Variants in RABL6 observed in about 807,000 individuals in gnomAD.
RABL6 encodes rab-like protein 6.
In RABL6, 28 loss-of-function variants were observed where a neutral mutation model predicts 72.9. The observed-to-expected ratio is 0.38, with a 90% confidence interval of 0.28 to 0.53. The LOEUF (loss-of-function observed/expected upper bound fraction) is 0.53. RABL6 is among the 20% of genes least tolerant of loss of function. The probability of loss-of-function intolerance (pLI) is 0.80; values close to 1 mark genes in which losing one functional copy is unlikely to be tolerated. For synonymous variants in RABL6, 477 were observed against 421.2 expected (o/e 1.13, Z -1.62); for missense variants, 1,029 against 1,008.4 (o/e 1.02, Z -0.28).
chr9:136,837,863 G>T lies in RABL6; in HGVS notation c.1128G>T (p.Glu376Asp), dbSNP rs1214968477. ...PATEAAPPPP[E>D]PVPAAEGPAT... ...AGGACCCGGCATCACTGTTCACAGAGCCAGTCCCGGCCGCAGAGGGCCCAG... is the reference window on the plus strand; with the variant it reads ...AGGACCCGGCATCACTGTTCACAGATCCAGTCCCGGCCGCAGAGGGCCCAG... Residue 376 changes from glutamate to aspartate, a missense_variant and splice_region_variant, in exon 10 of 15, where the codon GAG becomes GAT. Around this residue, in one of 2 missense-constraint regions of RABL6, gnomAD observed 434 missense variants for 536.1 expected, o/e 0.81. Transcript: ENST00000311502. 1.3e-6 allele frequency: 2 copies of T among 1,549,006 alleles called. No homozygotes were observed. Among genetic ancestry groups the T allele is most frequent in the African/African-American group, 2.7e-5 (2 of 73,012 alleles).
At chr9:136,823,406 C>T (rs1848285146) in intron 1 of RABL6, 119 bp from the exon 2 acceptor site, 2 of 1,374,380 alleles carry the variant, frequency 1.5e-6, no homozygotes, top group East Asian at 5.0e-5. Flanking sequence ...TGGTCTGATT[C>T]TAGCAAGAAA....
intron 10 of RABL6, 49 bp from the exon 11 acceptor site, chr9:136,838,860 A>T (rs146722029): frequency 2.7e-5 from 40 of 1,460,966 alleles, no homozygotes; most frequent in Non-Finnish European, 3.5e-5. Context: ...GAGCCCGGCC[A>T]GCCATCCCTA....
intron 14 of RABL6, 52 bp from the exon 15 acceptor site, chr9:136,840,270 C>A: frequency 6.2e-7 from 1 of 1,611,806 alleles, no homozygotes; most frequent in Non-Finnish European, 8.5e-7. Flanking sequence ...GTCCTGGGAC[C>A]AGGGCTGTGG....
At chr9:136,821,089 T>C (rs968593080) in intron 1 of RABL6, among the ~76,000 whole-genome samples, 1 of 152,246 alleles carries the variant, frequency 6.6e-6, no homozygotes, top group South Asian at 2.1e-4. Flanking sequence ...TCATGAGGGC[T>C]GGTTTCCGGC....
At chr9:136,834,440 A>AT (rs950058932) in intron 7 of RABL6, 16 of 985,788 alleles carry the variant, frequency 1.6e-5, no homozygotes, top group African/African-American at 1.2e-4. Context: ...TGTAAATCAC[A>AT]TTTTTTTGTT....
intron 7 of RABL6, among the ~76,000 whole-genome samples, chr9:136,834,730 G>GC (rs1047994835): frequency 2.6e-5 from 4 of 151,896 alleles, no homozygotes; most frequent in South Asian, 2.1e-4. Flanking sequence ...GCCCGCCTTG[G>GC]CCCCCCCAAA....
rs544341408 is a variant in RABL6, at chr9:136,840,054, C to T, written c.1931-100C>T. The T allele has an allele frequency of 6.9e-5, 108 of 1,557,142 alleles. No individual in the cohort carries two copies. In the African/African-American group the frequency reaches 1.3e-3, roughly 19 times the overall value. On this transcript the variant is annotated intron_variant, in intron 13 of 14. Transcript: ENST00000311502. The stretch of plus-strand genomic sequence containing the variant: ...TCCATCAGCAGGGCCTCCTGGAGGG[C>T]TGGGGCTCGCTGCTTTGTGAGTTTC...
chr9:136,833,984 A>T, intron 7 of RABL6: 1 of 1,525,906 alleles, frequency 6.6e-7, no homozygotes, highest in Middle Eastern at 1.7e-4. Flanking sequence ...AACCCTTCCA[A>T]AGCCTCCCAG....
intron 1 of RABL6, among the ~76,000 whole-genome samples, chr9:136,817,664 C>T (rs1292935934): frequency 6.6e-6 from 1 of 152,070 alleles, no homozygotes; most frequent in African/African-American, 2.4e-5. Context: ...GGCTCCACTT[C>T]TGCCGAAGCT....
rs766236533 is a variant in RABL6 at position 136,839,795 on chromosome 9, A to T, written c.1860A>T (p.Arg620Ser). The T allele has an allele frequency of 1.9e-6, 3 of 1,612,704 alleles. No individual in the cohort carries two copies. In the African/African-American group the frequency reaches 4.0e-5, roughly 22 times the overall value. ...PPPKLPLPAF[R>S]LKNDSDLFGL... ...CCAAGCTCCCTCTCCCCGCCTTCAGACTGAAGAATGACTCGGACCTCTTCG... is the reference window on the plus strand; with the variant it reads ...CCAAGCTCCCTCTCCCCGCCTTCAGTCTGAAGAATGACTCGGACCTCTTCG... Residue 620 changes from arginine (R) to serine (S), a missense_variant, in exon 13 of 15, where the codon AGA (arginine) becomes AGT (serine). Physicochemically the swap from Arg to Ser is moderately radical, Grantham distance 110. Transcript: ENST00000311502.
At chr9:136,810,892 G>C (rs1043442619) in intron 1 of RABL6, among the ~76,000 whole-genome samples, 8 of 152,204 alleles carry the variant, frequency 5.3e-5, no homozygotes, top group Admixed American at 5.2e-4. Context: ...GACCAGCAAT[G>C]TGATCAAGAC....
rs542254097 is a variant in RABL6, at chr9:136,829,667, G to A, written c.458+183G>A. ...TGGCCTGGATGTCGGGCTGGGCAACGACTATGCCTGTGCCTATGGGGCGGG... is the reference window on the plus strand; with the variant it reads ...TGGCCTGGATGTCGGGCTGGGCAACAACTATGCCTGTGCCTATGGGGCGGG... On this transcript the variant is annotated intron_variant, in intron 5 of 14. Coordinates refer to ENST00000311502, the MANE Select transcript of RABL6 (RefSeq NM_024718.5). Among the ~76,000 whole-genome samples, 8 of 152,354 alleles carry A rather than the reference G, an allele frequency of 5.3e-5. No individual in the cohort carries two copies. In the South Asian group the frequency reaches 6.2e-4, roughly 12 times the overall value.
At position 136,840,960 on chromosome 9, in the gene RABL6, G is replaced by A. The variant is rs1482891468; in HGVS notation, c.*438G>A. The stretch of plus-strand genomic sequence containing the variant: ...TGCCTATGGTTCCGCTTCCGGCCGG[G>A]AGCCCTGAACACGGGTGTGCAGACT... On this transcript the variant is annotated 3_prime_UTR_variant, in exon 15 of 15. Transcript: ENST00000311502. The A allele has an allele frequency of 6.9e-7, 1 of 1,457,990 alleles. No individual in the cohort carries two copies. The highest frequency in any genetic ancestry group is 1.4e-5 in the African/African-American group (1 of 70,054). The allele number at this position is 1,457,990 out of a possible 1,614,324, so 90.3% of individuals were successfully genotyped here. A position where few individuals can be genotyped will look rare whatever the true frequency, so the allele number is the denominator to read the frequency against.
intron 1 of RABL6, among the ~76,000 whole-genome samples, chr9:136,817,068 T>G (rs1286274036): frequency 1.3e-5 from 2 of 152,216 alleles, no homozygotes; most frequent in Non-Finnish European, 2.9e-5. Flanking sequence ...GCAGACAGTT[T>G]ATGTTTGAAA....
At position 136,818,373 on chromosome 9, in the gene RABL6, A is replaced by AAAAAAC; in HGVS notation, c.131-5147_131-5146insCAAAAA. 1.0e-4 allele frequency among the ~76,000 whole-genome samples: 2 copies of AAAAAAC among 19,502 alleles called. 1 individual carries two copies. Among genetic ancestry groups the AAAAAAC allele is most frequent in the Non-Finnish European group, 1.8e-4 (2 of 11,388 alleles). The allele number at this position is 19,502 out of a possible 152,430, so 12.8% of individuals were successfully genotyped here. On this transcript the variant is annotated intron_variant, in intron 1 of 14. Coordinates refer to ENST00000311502, the MANE Select transcript of RABL6 (RefSeq NM_024718.5). ...ACCAGACTCTGTCTCAAAAAAAAAA[A>AAAAAAC]AAAAAAAAAAAAAAAAAAAAAAAAA...
At chr9:136,811,477 G>A (rs1382152452) in intron 1 of RABL6, among the ~76,000 whole-genome samples, 1 of 152,042 alleles carries the variant, frequency 6.6e-6, no homozygotes, top group African/African-American at 2.4e-5. Context: ...AATTAACCGG[G>A]TGTGATGGTG....
chr9:136,840,180 GAGA>G lies in RABL6; in HGVS notation c.1974_1976del (p.Lys660del), dbSNP rs145591109. The G allele has an allele frequency of 9.2e-4, 1,474 of 1,610,440 alleles. 8 individuals are homozygous for G. Among genetic ancestry groups the G allele is most frequent in the Admixed American group, 1.6e-3 (93 of 59,866 alleles). On this transcript the variant is annotated inframe_deletion, in exon 14 of 15. Transcript: ENST00000311502. ...TAAGGAGGGCAAAACCCCCTCTAAG[GAGA>G]AGAAGAAGAAGAAGAAAAAAGGCAA...
chr9:136,813,425 G>A, intron 1 of RABL6: 1 of 734,564 alleles, frequency 1.4e-6, no homozygotes, highest in East Asian at 2.8e-5. Flanking sequence ...ACCCCTCCAA[G>A]TGGTCTCTCT....
At chr9:136,814,750 T>TAA (rs762218422) in intron 1 of RABL6, 3 of 141,886 alleles carry the variant, frequency 2.1e-5, no homozygotes, top group South Asian at 4.5e-4. Context: ...GACCCTGTCT[T>TAA]AAAAAAAAAA....
Sources: allele counts gnomAD v4.1 joint callset (sites outside exome capture counted in the v4.1 genomes callset), GRCh38; gene constraint gnomAD v4.1.1; regional missense constraint gnomAD v4.1.1; transcripts MANE v1.5; gene names NCBI Gene and HGNC (gene_info 2026-07-23, HGNC 2026-07-21).